Variants in MAP3K5 observed in about 807,000 individuals in gnomAD.
MAP3K5 encodes mitogen-activated protein kinase kinase kinase 5, also known as ASK-1.
Under a neutral mutation model 158.7 loss-of-function variants are expected in MAP3K5, and 56 were observed. The observed-to-expected ratio is 0.35, with a 90% CI of 0.28 to 0.44. MAP3K5 has a LOEUF of 0.44. Ranked by LOEUF, MAP3K5 falls within the 20% of genes least tolerant of loss-of-function variation. MAP3K5 has a pLI of 1.00. For synonymous variants in MAP3K5, 579 were observed against 601.7 expected, an observed-to-expected ratio of 0.96 and a Z score of 0.55; for missense variants, 1,294 against 1,674.8, an observed-to-expected ratio of 0.77 and a Z score of 3.97.
intron 1 of MAP3K5, among the ~76,000 whole-genome samples, chr6:136,775,095 T>C (rs1053448274): frequency 6.6e-6 from 1 of 152,028 alleles, no homozygotes; most frequent in Admixed American, 6.6e-5. Flanking sequence ...AGGGAATAGA[T>C]AGGGCTGCTA....
At chr6:136,588,487 T>C (rs1746860267) in intron 23 of MAP3K5, among the ~76,000 whole-genome samples, 1 of 152,230 alleles carries the variant, frequency 6.6e-6, no homozygotes, top group Non-Finnish European at 1.5e-5. Flanking sequence ...TAGCTGTTAT[T>C]ACTATATGTT....
At chr6:136,788,347 C>G (rs148049477) in intron 1 of MAP3K5, among the ~76,000 whole-genome samples, 3 of 152,250 alleles carry the variant, frequency 2.0e-5, no homozygotes, top group African/African-American at 4.8e-5. Context: ...CCAGGAAATA[C>G]CATTCTGCAT....
intron 18 of MAP3K5, among the ~76,000 whole-genome samples, chr6:136,610,971 G>GT (rs1776310481): frequency 6.6e-6 from 1 of 151,756 alleles, no homozygotes; most frequent in Non-Finnish European, 1.5e-5. Flanking sequence ...AGCTGGGCGT[G>GT]GTGGCGCATG....
At chr6:136,754,923 G>A (rs2114939069) in intron 1 of MAP3K5, among the ~76,000 whole-genome samples, 1 of 152,152 alleles carries the variant, frequency 6.6e-6, no homozygotes, top group East Asian at 1.9e-4. Context: ...TTCTATTCAC[G>A]CAGTTGCCCA....
rs76939416 is a variant in MAP3K5, at chr6:136,733,929, G to C, written c.449-13340C>G. On this transcript the variant is annotated intron_variant, in intron 1 of 29. Transcript: ENST00000359015. ...ATAATTATAGGATCATACAGAGTATGAGACCATAACACCCTAAAAATCCTC... is the reference window on the plus strand; with the variant it reads ...ATAATTATAGGATCATACAGAGTATCAGACCATAACACCCTAAAAATCCTC... 9.1e-3 allele frequency among the ~76,000 whole-genome samples: 1,383 copies of C among 152,220 alleles called. 16 individuals carry two copies. Among genetic ancestry groups the C allele is most frequent in the African/African-American group, 0.031 (1,272 of 41,528 alleles).
rs77790378 is a variant in MAP3K5 at position 136,631,353 on chromosome 6, A to G, written c.2016+5972T>C. Among the ~76,000 whole-genome samples, 2,043 of 152,246 alleles carry G rather than the reference A, an allele frequency of 0.013. 117 individuals are homozygous for G. The East Asian group carries it at 0.15, about 11-fold the overall frequency. On this transcript the variant is annotated intron_variant, in intron 14 of 29. Transcript: ENST00000359015. ...ATATCTGCACAAAAATAGAAATAGG[A>G]TGTTAAAAAAGAGTTTGCTACATGA...
chr6:136,614,130 C>T, intron 16 of MAP3K5, 29 bp downstream of exon 16: 1 of 1,606,700 alleles, frequency 6.2e-7, no homozygotes, highest in Non-Finnish European at 8.5e-7. Flanking sequence ...TAAACATTCA[C>T]ACTTTTTAAA....
chr6:136,569,015 A>C lies in MAP3K5; in HGVS notation c.3518-1141T>G, dbSNP rs115306356. Among the ~76,000 whole-genome samples the C allele has an allele frequency of 4.8e-3, 731 of 152,252 alleles. 5 individuals carry two copies. Among genetic ancestry groups the C allele is most frequent in the African/African-American group, 0.017 (701 of 41,536 alleles). On this transcript the variant is annotated intron_variant, in intron 25 of 29. Coordinates refer to ENST00000359015, the MANE Select transcript of MAP3K5 (RefSeq NM_005923.4). ...TCAGGCCATTATGGGAAGAAAGGTCAGATATTCCTGGTTATACCTCCTCCC... is the reference window on the plus strand; with the variant it reads ...TCAGGCCATTATGGGAAGAAAGGTCCGATATTCCTGGTTATACCTCCTCCC...
intron 1 of MAP3K5, among the ~76,000 whole-genome samples, chr6:136,736,837 G>A (rs991216730): frequency 7.3e-5 from 11 of 150,910 alleles, no homozygotes; most frequent in African/African-American, 2.4e-4. Context: ...ACCACTCCTG[G>A]TTAATGTTTT....
chr6:136,628,385 T>C (rs1777145087), intron 14 of MAP3K5, among the ~76,000 whole-genome samples: 1 of 151,458 alleles, frequency 6.6e-6, no homozygotes, highest in Non-Finnish European at 1.5e-5. Context: ...CCACTGGGAG[T>C]ACAGGTGGGA....
intron 15 of MAP3K5, among the ~76,000 whole-genome samples, chr6:136,620,322 T>C (rs1776745234): frequency 6.6e-6 from 1 of 152,164 alleles, no homozygotes; most frequent in Non-Finnish European, 1.5e-5. Flanking sequence ...GGTTACATAC[T>C]CACTACCTAG....
intron 1 of MAP3K5, among the ~76,000 whole-genome samples, chr6:136,742,846 T>C (rs1336005265): frequency 3.3e-5 from 5 of 152,208 alleles, no homozygotes; most frequent in African/African-American, 9.6e-5. Context: ...GCCAAAGACC[T>C]GAATGGATAC....
intron 14 of MAP3K5, among the ~76,000 whole-genome samples, chr6:136,627,434 T>C (rs1248298851): frequency 2.0e-5 from 3 of 152,254 alleles, no homozygotes; most frequent in Non-Finnish European, 2.9e-5. Context: ...AGCTTGTTAC[T>C]TTCCGGATGA....
At chr6:136,703,875 C>A (rs570320124) in intron 3 of MAP3K5, among the ~76,000 whole-genome samples, 59 of 152,284 alleles carry the variant, frequency 3.9e-4, no homozygotes, top group African/African-American at 1.4e-3. Context: ...TAAATCAAAT[C>A]TTGTGCAGGC....
At chr6:136,590,644 C>G (rs1407754173) in intron 23 of MAP3K5, among the ~76,000 whole-genome samples, 1 of 151,884 alleles carries the variant, frequency 6.6e-6, no homozygotes, top group Non-Finnish European at 1.5e-5. Context: ...GGGTTCACGC[C>G]ATTCTCCTGC....
intron 2 of MAP3K5, among the ~76,000 whole-genome samples, chr6:136,715,407 T>C (rs2114755532): frequency 6.6e-6 from 1 of 152,308 alleles, no homozygotes; most frequent in South Asian, 2.1e-4. Context: ...AGTACAAAAA[T>C]TAGCACTCAT....
In MAP3K5 at chr6:136,703,725, G is replaced by T. The variant is rs193230229; in HGVS notation, c.612+1385C>A. ...TTATAATGGCAACATTATTTATGCT[G>T]AAATATGCCTCTGCCCTGGTTAAAT... is the stretch of plus-strand genomic sequence containing the variant. On this transcript the variant is annotated intron_variant, in intron 3 of 29. Coordinates refer to ENST00000359015, the MANE Select transcript of MAP3K5 (RefSeq NM_005923.4). 4.0e-3 allele frequency among the ~76,000 whole-genome samples: 602 copies of T among 152,310 alleles called. 3 individuals are homozygous for T. Among genetic ancestry groups the T allele is most frequent in the African/African-American group, 0.013 (550 of 41,564 alleles).
At chr6:136,658,971 C>T (rs1396519761) in intron 9 of MAP3K5, among the ~76,000 whole-genome samples, 1 of 152,178 alleles carries the variant, frequency 6.6e-6, no homozygotes, top group Non-Finnish European at 1.5e-5. Flanking sequence ...GTGACACTGG[C>T]CAATCTGGGC....
In MAP3K5 at chr6:136,697,308, A is replaced by G; in HGVS notation, c.886T>C (p.Leu296=). 1 of 1,613,758 alleles carries G rather than the reference A, an allele frequency of 6.2e-7. No individual in the cohort carries two copies. Reference sequence around the variant, plus strand: ...TCTACTCGCTGCCGAATTCTTGCCAACTCAGCTGCCAATTCTTTACCAGTG... The same window carrying G: ...TCTACTCGCTGCCGAATTCTTGCCAGCTCAGCTGCCAATTCTTTACCAGTG... ...LYTGKELAAE[L]ARIRQRVDNI... The change falls in exon 5 of 30, where the codon TTG becomes CTG. Residue 296 remains leucine, a synonymous_variant. Transcript: ENST00000359015.
Sources: gnomAD v4.1 joint callset for allele counts (sites outside exome capture counted in the v4.1 genomes callset) on GRCh38, gnomAD v4.1.1 for gene constraint, MANE v1.5 for transcripts, NCBI Gene and HGNC (gene_info 2026-07-23, HGNC 2026-07-21) for gene names.